Variants in SPAG16 observed in about 807,000 individuals in gnomAD.
SPAG16 encodes the protein sperm associated antigen 16.
Under a neutral mutation model 80.4 loss-of-function variants are expected in SPAG16, and 86 were observed. The observed-to-expected ratio is 1.07, with a 90% CI of 0.90 to 1.28. The LOEUF (loss-of-function observed/expected upper bound fraction) is 1.28. SPAG16 is among the 50% of genes most tolerant of loss of function. The pLI, the probability that SPAG16 is intolerant of heterozygous loss-of-function variation, is 0.00. For missense variants in SPAG16, 870 were observed against 765.3 expected, an observed-to-expected ratio of 1.14 and a Z score of -1.61; for synonymous variants, 294 against 265.9, an observed-to-expected ratio of 1.11 and a Z score of -1.03.
rs74532714 is a variant in SPAG16 at position 213,302,933 on chromosome 2, C to T, written c.279+5576C>T. ...GTGTCTTTAGAAATGAGAATAGATACACCCTCCTGCTGTCTGTCTTCCTTT... is the reference window on the plus strand; with the variant it reads ...GTGTCTTTAGAAATGAGAATAGATATACCCTCCTGCTGTCTGTCTTCCTTT... On this transcript the variant is annotated intron_variant, in intron 3 of 15. Transcript: ENST00000331683. 5.5e-4 allele frequency among the ~76,000 whole-genome samples: 83 copies of T among 152,192 alleles called. 3 individuals are homozygous for T. The East Asian group carries it at 0.013, about 24-fold the overall frequency.
At chr2:213,567,171 T>C (rs1010942011) in intron 10 of SPAG16, among the ~76,000 whole-genome samples, 2 of 150,370 alleles carry the variant, frequency 1.3e-5, no homozygotes, top group African/African-American at 4.9e-5. Context: ...GATTCTTTTT[T>C]TTTTTTTTTT....
intron 13 of SPAG16, among the ~76,000 whole-genome samples, chr2:214,086,217 C>A (rs1047202215): frequency 4.6e-5 from 7 of 152,140 alleles, no homozygotes; most frequent in African/African-American, 1.7e-4. Flanking sequence ...TATTGCCTTG[C>A]ACAAAACTGT....
chr2:213,285,291 C>T (rs1382808485), intron 1 of SPAG16, among the ~76,000 whole-genome samples: 2 of 152,024 alleles, frequency 1.3e-5, no homozygotes, highest in Non-Finnish European at 2.9e-5. Context: ...CGATTTTTAT[C>T]GGAAGTACCA....
intron 15 of SPAG16, among the ~76,000 whole-genome samples, chr2:214,285,627 C>T (rs1231844893): frequency 6.6e-6 from 1 of 152,000 alleles, no homozygotes; most frequent in East Asian, 1.9e-4. Flanking sequence ...CATGATGAAA[C>T]CCCATCTCTA....
Position 213,743,833 on chromosome 2 carries a change from C to T in SPAG16, c.1071-118652C>T, listed in dbSNP as rs1032816858. Among the ~76,000 whole-genome samples the T allele has an allele frequency of 3.3e-5, 5 of 152,266 alleles. No individual in the cohort carries two copies. The East Asian group carries it at 5.8e-4, about 18-fold the overall frequency. On this transcript the variant is annotated intron_variant, in intron 10 of 15. Transcript: ENST00000331683. Reference sequence around the variant, plus strand: ...AGCATCTTCAAATACTTGTCTCTGTCCCATTTTCCCACTGTTCTCCTTTTA... The same window carrying T: ...AGCATCTTCAAATACTTGTCTCTGTTCCATTTTCCCACTGTTCTCCTTTTA...
rs1271729661 is a variant in SPAG16 at position 214,241,742 on chromosome 2, T to C, written c.1720+92476T>C. Among the ~76,000 whole-genome samples the C allele has an allele frequency of 5.3e-5, 8 of 152,322 alleles. No individual in the cohort carries two copies. The East Asian group carries it at 1.2e-3, about 22-fold the overall frequency. On this transcript the variant is annotated intron_variant, in intron 15 of 15. Transcript: ENST00000331683. ...GAAAAGTTTAAACTAATTTACTGTT[T>C]ACTTAAACTGCAATAGCAAAGGCAG...
chr2:213,759,615 A>T (rs2068538657), intron 10 of SPAG16, among the ~76,000 whole-genome samples: 1 of 152,194 alleles, frequency 6.6e-6, no homozygotes, highest in Non-Finnish European at 1.5e-5. Flanking sequence ...GGTAACCACC[A>T]AGAAAATAGC....
intron 13 of SPAG16, among the ~76,000 whole-genome samples, chr2:214,105,314 A>G (rs893915221): frequency 1.3e-5 from 2 of 152,206 alleles, no homozygotes; most frequent in Non-Finnish European, 2.9e-5. Context: ...CAGCATTTCA[A>G]TAGTATATGA....
intron 10 of SPAG16, among the ~76,000 whole-genome samples, chr2:213,752,147 C>T (rs1231784391): frequency 6.6e-6 from 1 of 152,176 alleles, no homozygotes; most frequent in African/African-American, 2.4e-5. Context: ...CGTATTCCAA[C>T]AATCATGATT....
rs111442051 is a variant in SPAG16 at position 213,728,603 on chromosome 2, C to A, written c.1071-133882C>A. 1.7e-4 allele frequency among the ~76,000 whole-genome samples: 26 copies of A among 152,134 alleles called. 2 individuals are homozygous for A. The highest frequency in any genetic ancestry group is 6.0e-4 in the African/African-American group (25 of 41,506). On this transcript the variant is annotated intron_variant, in intron 10 of 15. Transcript: ENST00000331683. ...AAAAGGAGATGATGGTGGCCAGGCC[C>A]GGTGGCTCACGCCTGTAATCCCAGC...
At chr2:214,073,957 C>T (rs2050936110) in intron 13 of SPAG16, among the ~76,000 whole-genome samples, 1 of 152,090 alleles carries the variant, frequency 6.6e-6, no homozygotes, top group African/African-American at 2.4e-5. Context: ...TGTTTGTGTC[C>T]CTTCTAAAAT....
chr2:213,723,805 G>A (rs2066632286), intron 10 of SPAG16, among the ~76,000 whole-genome samples: 1 of 152,160 alleles, frequency 6.6e-6, no homozygotes, highest in South Asian at 2.1e-4. Flanking sequence ...CTCTCGGTTT[G>A]TATACTATAG....
At chr2:213,946,678 T>C (rs2079490921) in intron 12 of SPAG16, among the ~76,000 whole-genome samples, 1 of 152,166 alleles carries the variant, frequency 6.6e-6, no homozygotes, top group South Asian at 2.1e-4. Flanking sequence ...AGCTCAGACC[T>C]CATTCATATT....
chr2:213,649,465 T>C (rs912181811), intron 10 of SPAG16, among the ~76,000 whole-genome samples: 1 of 152,230 alleles, frequency 6.6e-6, no homozygotes, highest in Non-Finnish European at 1.5e-5. Context: ...ATGCCACTTA[T>C]AATTTAAAAA....
Position 214,009,907 on chromosome 2 carries a change from C to G in SPAG16, c.1401-4044C>G, listed in dbSNP as rs1036283946. Among the ~76,000 whole-genome samples the G allele has an allele frequency of 2.0e-5, 3 of 147,718 alleles. No homozygotes were observed. The South Asian group carries it at 6.2e-4, about 31-fold the overall frequency. On this transcript the variant is annotated intron_variant, in intron 12 of 15. Coordinates refer to ENST00000331683, the MANE Select transcript of SPAG16 (RefSeq NM_024532.5). The stretch of plus-strand genomic sequence containing the variant: ...TAAGTCATAATAAAAAGAAACCAAC[C>G]AGATTTTATAAAGAATTGCAAAAAT...
chr2:214,111,212 A>G (rs757911732), intron 14 of SPAG16, among the ~76,000 whole-genome samples: 9 of 152,100 alleles, frequency 5.9e-5, no homozygotes, highest in Non-Finnish European at 1.3e-4. Context: ...GCCCATACCT[A>G]TGTCCTGAAT....
chr2:213,699,551 TGGACTGCTGCAGCA>T (rs1671377281), intron 10 of SPAG16, among the ~76,000 whole-genome samples: 2 of 152,184 alleles, frequency 1.3e-5, no homozygotes, highest in African/African-American at 4.8e-5. Context: ...TCCTTATCTA[TGGACTGCTGCAGCA>T]GGATGTCTAG....
intron 11 of SPAG16, among the ~76,000 whole-genome samples, chr2:213,878,241 C>A (rs2106015181): frequency 7.0e-6 from 1 of 143,412 alleles, no homozygotes; most frequent in East Asian, 2.2e-4. Context: ...TTTTAGTTCT[C>A]TGAGAAATCA....
At chr2:213,670,525 A>G (rs1481984855) in intron 10 of SPAG16, among the ~76,000 whole-genome samples, 1 of 152,036 alleles carries the variant, frequency 6.6e-6, no homozygotes, top group Non-Finnish European at 1.5e-5. Context: ...TTTTCCTAAA[A>G]GGATGATTTA....
Sources: gnomAD v4.1 joint callset for allele counts (sites outside exome capture counted in the v4.1 genomes callset) on GRCh38, gnomAD v4.1.1 for gene constraint, MANE v1.5 for transcripts, NCBI Gene and HGNC (gene_info 2026-07-23, HGNC 2026-07-21) for gene names.